Variants in TBC1D30 observed in about 807,000 individuals in gnomAD.
TBC1D30 encodes TBC1 domain family, member 30.
A neutral mutation model predicts 63.2 loss-of-function variants in TBC1D30; 31 were observed. The ratio of observed to expected loss-of-function variants is 0.49; its 90% confidence interval spans 0.37 to 0.66. TBC1D30 has a LOEUF of 0.66. Among genes scored for constraint, TBC1D30 ranks in the 30% least tolerant of loss-of-function variants. The pLI is 0.00. For missense variants in TBC1D30, 810 were observed against 953.6 expected (o/e 0.85, Z 1.98); for synonymous variants, 307 against 361.5 (o/e 0.85, Z 1.71).
At position 64,878,368 on chromosome 12, in the gene TBC1D30, C is replaced by T. The variant is rs543434407; in HGVS notation, c.*2580C>T. Reference sequence around the variant, plus strand: ...CTATGTATTGGACACTGTATGCAAACACCAGAAGTACTTAACAAGTAGTGG... The same window carrying T: ...CTATGTATTGGACACTGTATGCAAATACCAGAAGTACTTAACAAGTAGTGG... On this transcript the variant is annotated 3_prime_UTR_variant, in exon 12 of 12. Coordinates refer to ENST00000539867, the MANE Select transcript of TBC1D30 (RefSeq NM_015279.2). The T allele has an allele frequency of 2.2e-6, 1 of 452,376 alleles. No homozygotes were observed. The highest frequency in any genetic ancestry group is 2.0e-5 in the African/African-American group (1 of 49,998). The allele number at this position is 452,376 out of a possible 1,614,324, so 28.0% of individuals were successfully genotyped here.
chr12:64,792,437 A>C (rs1871979118), intron 2 of TBC1D30, among the ~76,000 whole-genome samples: 1 of 152,234 alleles, frequency 6.6e-6, no homozygotes. Context: ...ATCTTAGATA[A>C]AACCTTTCAG....
Position 64,765,832 on chromosome 12 carries a change from C to CAAAA in TBC1D30, c.-376+6196_-376+6199dup, listed in dbSNP as rs142093900. 4.3e-4 allele frequency among the ~76,000 whole-genome samples: 50 copies of CAAAA among 116,968 alleles called. 1 individual carries two copies. The highest frequency in any genetic ancestry group is 1.5e-3 in the African/African-American group (46 of 31,048). The allele number at this position is 116,968 out of a possible 152,430, so 76.7% of individuals were successfully genotyped here. ...GCGACTTGACAAAACCCCACCTCTA[C>CAAAA]AAAAAAAAAAAAAAAATACAATACA... On this transcript the variant is annotated intron_variant, in intron 1 of 13. Transcript: ENST00000674237.
intron 1 of TBC1D30, 112 bp from the exon 2 acceptor site, chr12:64,827,723 A>G (rs1287885805): frequency 2.6e-6 from 2 of 777,618 alleles, no homozygotes; most frequent in African/African-American, 3.5e-5. Context: ...GTAAAGATAC[A>G]TACTTTAAAA....
At chr12:64,866,563 A>G (rs901052926) in intron 9 of TBC1D30, among the ~76,000 whole-genome samples, 2 of 151,946 alleles carry the variant, frequency 1.3e-5, no homozygotes, top group African/African-American at 4.8e-5. Flanking sequence ...TCAGCCTCCG[A>G]AGTAGCTGGA....
At chr12:64,856,688 C>T (rs1416563020) in intron 8 of TBC1D30, among the ~76,000 whole-genome samples, 1 of 151,542 alleles carries the variant, frequency 6.6e-6, no homozygotes, top group Non-Finnish European at 1.5e-5. Context: ...CAGTGAGTTC[C>T]CCCCAGGCCC....
At position 64,799,049 on chromosome 12, in the gene TBC1D30, G is replaced by A. The variant is rs181197132; in HGVS notation, c.643+13004G>A. On this transcript the variant is annotated intron_variant, in intron 2 of 12. Coordinates refer to the TBC1D30 transcript ENST00000542120. ...AGGATGGTCTTGACCTCTTGACCTC[G>A]TGACCTGCCCGCCTCGGCCTCCCAA... is the stretch of plus-strand genomic sequence containing the variant. Among the ~76,000 whole-genome samples, 620 of 152,008 alleles carry A rather than the reference G, an allele frequency of 4.1e-3. 6 individuals are homozygous for A. The highest frequency in any genetic ancestry group is 0.014 in the African/African-American group (599 of 41,436).
At chr12:64,761,787 C>G (rs144286025) in intron 1 of TBC1D30, among the ~76,000 whole-genome samples, 20 of 152,306 alleles carry the variant, frequency 1.3e-4, no homozygotes, top group Non-Finnish European at 2.4e-4. Context: ...TCTTTTATTC[C>G]TCTACTTTCT....
At chr12:64,856,910 C>T (rs541101767) in intron 8 of TBC1D30, among the ~76,000 whole-genome samples, 101 of 152,208 alleles carry the variant, frequency 6.6e-4, no homozygotes, top group African/African-American at 2.1e-3. Context: ...TGGGCCACTA[C>T]CAATGTTTGC....
chr12:64,798,879 C>G (rs1216980006), intron 2 of TBC1D30, among the ~76,000 whole-genome samples: 1 of 144,430 alleles, frequency 6.9e-6, no homozygotes, highest in African/African-American at 2.6e-5. Context: ...GTGGCACGAT[C>G]TTGGCTCACT....
At chr12:64,826,702 C>A (rs1250731226) in intron 1 of TBC1D30, among the ~76,000 whole-genome samples, 1 of 152,076 alleles carries the variant, frequency 6.6e-6, no homozygotes, top group African/African-American at 2.4e-5. Context: ...TCTATCCAGG[C>A]AGAGTATGGT....
chr12:64,828,327 C>A, intron 2 of TBC1D30, 117 bp from the exon 3 acceptor site: 1 of 721,600 alleles, frequency 1.4e-6, no homozygotes, highest in Non-Finnish European at 2.4e-6. Flanking sequence ...TGACTGTTTA[C>A]CCCATTGTGC....
upstream of TBC1D30, among the ~76,000 whole-genome samples, chr12:64,821,683 A>G (rs921232725): frequency 6.6e-6 from 1 of 152,204 alleles, no homozygotes; most frequent in African/African-American, 2.4e-5. Flanking sequence ...ACCTCTTCCT[A>G]TGGCTCTCAG....
intron 2 of TBC1D30, among the ~76,000 whole-genome samples, chr12:64,794,904 T>C (rs1042798265): frequency 6.6e-6 from 1 of 152,238 alleles, no homozygotes; most frequent in African/African-American, 2.4e-5. Flanking sequence ...ATAGATGCAA[T>C]ATATTTTCTT....
chr12:64,804,166 G>A (rs557337445), intron 2 of TBC1D30, among the ~76,000 whole-genome samples: 17 of 152,120 alleles, frequency 1.1e-4, no homozygotes, highest in Middle Eastern at 3.4e-3. Context: ...CTTTTATTTC[G>A]TTGAGCAGTG....
chr12:64,831,353 G>C (rs2136371583), intron 4 of TBC1D30, among the ~76,000 whole-genome samples: 1 of 152,160 alleles, frequency 6.6e-6, no homozygotes. Context: ...CTATATATTT[G>C]GAATTTTAGA....
At chr12:64,802,521 A>C (rs1218114010) in intron 2 of TBC1D30, among the ~76,000 whole-genome samples, 4 of 151,752 alleles carry the variant, frequency 2.6e-5, no homozygotes, top group South Asian at 2.1e-4. Context: ...ATTATACTTT[A>C]AGTTCTAGGG....
In TBC1D30 at chr12:64,876,370, A is replaced by G. The variant is rs3741741; in HGVS notation, c.*582A>G. On this transcript the variant is annotated 3_prime_UTR_variant, in exon 12 of 12. Transcript: ENST00000539867. ...TAAATCATAGGAGAAAAATCTAGAT[A>G]GCCTTTCTTTAACTGTCTATTTCTA... 0.21 allele frequency: 32,856 copies of G among 154,382 alleles called. 3,650 individuals carry two copies. Among genetic ancestry groups the G allele is most frequent in the African/African-American group, 0.24 (9,853 of 41,510 alleles). 9.6% of individuals were successfully genotyped at this position (154,382 alleles called of 1,614,324 possible). A position where few individuals can be genotyped will look rare whatever the true frequency, so the allele number is the denominator to read the frequency against.
In TBC1D30 at chr12:64,824,766, A is replaced by G; in HGVS notation, c.-114A>G. The G allele has an allele frequency of 7.2e-7, 1 of 1,386,882 alleles. No homozygotes were observed. Among genetic ancestry groups the G allele is most frequent in the Non-Finnish European group, 9.5e-7 (1 of 1,049,306 alleles). 85.9% of individuals were successfully genotyped at this position (1,386,882 alleles called of 1,614,324 possible). On this transcript the variant is annotated 5_prime_UTR_variant, in exon 1 of 12. Transcript: ENST00000539867. The stretch of plus-strand genomic sequence containing the variant: ...AGCCGGCTGTGCGCTCCCTGCTCCC[A>G]CGGGCCGGTCAGCCGCAGACACTCA...
intron 2 of TBC1D30, among the ~76,000 whole-genome samples, chr12:64,802,533 A>G (rs1449870426): frequency 6.6e-6 from 1 of 152,026 alleles, no homozygotes; most frequent in Non-Finnish European, 1.5e-5. Flanking sequence ...GTTCTAGGGT[A>G]CATGTGCACA....
Sources: allele counts gnomAD v4.1 joint callset (sites outside exome capture counted in the v4.1 genomes callset), GRCh38; gene constraint gnomAD v4.1.1; transcripts MANE v1.5; gene names NCBI Gene and HGNC (gene_info 2026-07-23, HGNC 2026-07-21).